SCO1: variants seen among roughly 807,000 people sequenced by gnomAD.
SCO1 encodes synthesis of cytochrome C oxidase 1.
SCO1 carries 23 observed loss-of-function variants against 34.0 expected under a neutral mutation model. That is an observed-to-expected ratio of 0.68 (90% CI 0.49 to 0.96). The LOEUF (loss-of-function observed/expected upper bound fraction) is 0.96, where lower values mean the gene tolerates loss of function less well. Among genes scored for constraint, SCO1 ranks in the 40% least tolerant of loss-of-function variants. The pLI, the probability that SCO1 is intolerant of heterozygous loss-of-function variation, is 0.00. For synonymous variants in SCO1, 161 were observed against 145.5 expected (o/e 1.11, Z -0.77); for missense variants, 404 against 381.6 (o/e 1.06, Z -0.49).
intron 2 of SCO1, among the ~76,000 whole-genome samples, chr17:10,693,266 T>C (rs1207390497): frequency 6.6e-6 from 1 of 152,196 alleles, no homozygotes; most frequent in African/African-American, 2.4e-5. Flanking sequence ...GGGGCTGCAG[T>C]GGCCTAGAGC....
At position 10,680,781 on chromosome 17, in the gene SCO1, G is replaced by A. The variant is rs1299959405; in HGVS notation, c.*338C>T. On this transcript the variant is annotated 3_prime_UTR_variant, in exon 6 of 6. Transcript: ENST00000255390. The stretch of plus-strand genomic sequence containing the variant: ...CCCAAGACGATGGAGAGGCGGCAAA[G>A]CTGCTGGGAGGGCCTGTTCGCAGGC... 5.3e-6 allele frequency: 2 copies of A among 380,472 alleles called. No individual in the cohort carries two copies. Among genetic ancestry groups the A allele is most frequent in the Non-Finnish European group, 9.8e-6 (2 of 203,192 alleles). 23.6% of individuals were successfully genotyped at this position (380,472 alleles called of 1,614,324 possible).
intron 4 of SCO1, among the ~76,000 whole-genome samples, chr17:10,690,998 A>C (rs1219024969): frequency 6.6e-6 from 1 of 152,222 alleles, no homozygotes; most frequent in East Asian, 1.9e-4. Flanking sequence ...ATCTCACAGA[A>C]GTAGAGAGAA....
intron 4 of SCO1, among the ~76,000 whole-genome samples, 166 bp from the exon 5 acceptor site, chr17:10,687,008 G>GAAATTCACAAA (rs2074661137): frequency 6.6e-6 from 1 of 151,988 alleles, no homozygotes; most frequent in Non-Finnish European, 1.5e-5. Flanking sequence ...AATTCACAAA[G>GAAATTCACAAA]AACAAATGAA....
Position 10,674,037 on chromosome 17 carries a change from T to C in SCO1, c.*7082A>G, listed in dbSNP as rs2074564967. ...TTTCTTGACTTTTTCCCCTTCCCTA[T>C]TGGGTAAAAATTAATAGACTCTGTG... is the stretch of plus-strand genomic sequence containing the variant. On this transcript the variant is annotated 3_prime_UTR_variant, in exon 6 of 6. Coordinates refer to ENST00000255390, the MANE Select transcript of SCO1 (RefSeq NM_004589.4). The C allele has an allele frequency of 2.6e-5, 4 of 152,180 alleles. No homozygotes were observed. The highest frequency in any genetic ancestry group is 2.0e-4 in the Admixed American group (3 of 15,274). 9.4% of individuals were successfully genotyped at this position (152,180 alleles called of 1,614,324 possible). A position where few individuals can be genotyped will look rare whatever the true frequency, so the allele number is the denominator to read the frequency against.
intron 1 of SCO1, among the ~76,000 whole-genome samples, chr17:10,696,514 A>T (rs550859709): frequency 6.6e-6 from 1 of 152,344 alleles, no homozygotes; most frequent in Non-Finnish European, 1.5e-5. Flanking sequence ...TACTGAGATA[A>T]ATAGACCAAA....
rs886052594 is a variant in SCO1 at position 10,681,058 on chromosome 17, T to G, written c.*61A>C. ...ATATGTTTATATTTATATAGGCTCC[T>G]ATGCGAGACAGTTTCCTTCCTCTTA... On this transcript the variant is annotated 3_prime_UTR_variant, in exon 6 of 6. Coordinates refer to ENST00000255390, the MANE Select transcript of SCO1 (RefSeq NM_004589.4). 57 of 1,589,868 alleles carry G rather than the reference T, an allele frequency of 3.6e-5. No individual in the cohort carries two copies. Among genetic ancestry groups the G allele is most frequent in the Middle Eastern group, 3.3e-4 (2 of 6,016 alleles).
At chr17:10,691,766 G>GAT in intron 4 of SCO1, 106 bp downstream of exon 4, 1 of 737,884 alleles carries the variant, frequency 1.4e-6, no homozygotes, top group South Asian at 1.5e-5. Context: ...TAAAACTGGT[G>GAT]ATAATACCAT....
At position 10,691,856 on chromosome 17, in the gene SCO1, T is replaced by C. The variant is rs778556428; in HGVS notation, c.655+16A>G. On this transcript the variant is annotated intron_variant, in intron 4 of 5. Coordinates refer to ENST00000255390, the MANE Select transcript of SCO1 (RefSeq NM_004589.4). ...TTTAAGGCTAAATAAATGTAAAGTA[T>C]TATTTAAAAAAATACCTTTCACATA... is the stretch of plus-strand genomic sequence containing the variant. 9 of 1,525,902 alleles carry C rather than the reference T, an allele frequency of 5.9e-6. No homozygotes were observed. The highest frequency in any genetic ancestry group is 4.1e-5 in the African/African-American group (3 of 72,840). The allele number at this position is 1,525,902 out of a possible 1,614,324, so 94.5% of individuals were successfully genotyped here.
chr17:10,686,284 C>A (rs2074655740), intron 5 of SCO1, among the ~76,000 whole-genome samples: 1 of 151,062 alleles, frequency 6.6e-6, no homozygotes, highest in Non-Finnish European at 1.5e-5. Flanking sequence ...ATTATCCTTT[C>A]AAATATTCAA....
At chr17:10,686,173 C>T (rs1323244149) in intron 5 of SCO1, among the ~76,000 whole-genome samples, 15 of 152,130 alleles carry the variant, frequency 9.9e-5, no homozygotes, top group Non-Finnish European at 1.9e-4. Flanking sequence ...ATCCGGGAGG[C>T]GGAGGTCGAA....
intron 4 of SCO1, among the ~76,000 whole-genome samples, chr17:10,690,838 G>A (rs944565736): frequency 7.1e-6 from 1 of 141,512 alleles, no homozygotes; most frequent in East Asian, 1.9e-4. Flanking sequence ...CATACGTCAT[G>A]GAATACTACC....
In SCO1 at chr17:10,697,452, A is replaced by G. The variant is rs1480589526; in HGVS notation, c.56T>C (p.Leu19Pro). The G allele has an allele frequency of 6.2e-7, 1 of 1,613,198 alleles. No individual in the cohort carries two copies. The highest frequency in any genetic ancestry group is 2.2e-5 in the East Asian group (1 of 44,872). Residue 19 changes from leucine (L) to proline (P), a missense_variant, in exon 1 of 6, where the codon CTT becomes CCT. Leu to Pro is a moderately conservative substitution (Grantham distance 98). Transcript: ENST00000255390. ...GAGTCCGCGAGGCAAGAAGCGCCAA[A>G]GTTGGCCACCCAGAGGCCGCATAAC... is the stretch of plus-strand genomic sequence containing the variant. ...GRVMRPLGGQLWRFLPRGLEF... is the reference protein window; with the variant it reads ...GRVMRPLGGQPWRFLPRGLEF...
chr17:10,696,993 A>C (rs929543300), intron 1 of SCO1, among the ~76,000 whole-genome samples: 1 of 150,700 alleles, frequency 6.6e-6, no homozygotes, highest in Non-Finnish European at 1.5e-5. Context: ...CATAAAATCC[A>C]AGTCGGGGCA....
Position 10,697,528 on chromosome 17 carries a change from C to G in SCO1, c.-21G>C. 6.2e-7 allele frequency: 1 copy of G among 1,612,744 alleles called. No individual in the cohort carries two copies. The highest frequency in any genetic ancestry group is 2.2e-5 in the East Asian group (1 of 44,868). ...GCCATGAGCCTCGGAGACCGGGTCT[C>G]CTTTGACCCTCCCCGCGATTTCCGG... is the stretch of plus-strand genomic sequence containing the variant. On this transcript the variant is annotated 5_prime_UTR_variant, in exon 1 of 6. Transcript: ENST00000255390.
chr17:10,683,098 AT>A (rs2074632522), intron 5 of SCO1, among the ~76,000 whole-genome samples: 1 of 152,174 alleles, frequency 6.6e-6, no homozygotes, highest in Admixed American at 6.5e-5. Flanking sequence ...TACAATGAAA[AT>A]GTCCCTCCCC....
At chr17:10,681,387 A>C in intron 5 of SCO1, 134 bp from the exon 6 acceptor site, 1 of 1,004,242 alleles carries the variant, frequency 1.0e-6, no homozygotes, top group South Asian at 1.4e-5. Flanking sequence ...TATTTATGGA[A>C]TAGGCTTAAG....
In SCO1 at chr17:10,675,707, A is replaced by G. The variant is rs1353914056; in HGVS notation, c.*5412T>C. On this transcript the variant is annotated 3_prime_UTR_variant, in exon 6 of 6. Transcript: ENST00000255390. ...TTCTCCTAGTATCATACTTCATCCT[A>G]ACACAATTATTCCTGTTTTACAAAT... is the stretch of plus-strand genomic sequence containing the variant. The G allele has an allele frequency of 3.3e-5, 5 of 152,134 alleles. No homozygotes were observed. The highest frequency in any genetic ancestry group is 1.5e-5 in the Non-Finnish European group (1 of 68,038). The allele number at this position is 152,134 out of a possible 1,614,324, so 9.4% of individuals were successfully genotyped here.
At chr17:10,686,700 T>C (rs537293667) in intron 5 of SCO1, 27 bp downstream of exon 5, 14 of 1,396,606 alleles carry the variant, frequency 1.0e-5, no homozygotes, top group African/African-American at 4.2e-5. Flanking sequence ...AGCTGGTCCA[T>C]GGGTTAAAAC....
intron 5 of SCO1, chr17:10,683,886 C>G (rs1416517356): frequency 6.6e-6 from 1 of 152,122 alleles, no homozygotes; most frequent in African/African-American, 2.4e-5. Context: ...AAACTTCATT[C>G]CATTACATCT....
Sources: allele counts gnomAD v4.1 joint callset (sites outside exome capture counted in the v4.1 genomes callset), GRCh38; gene constraint gnomAD v4.1.1; transcripts MANE v1.5; gene names NCBI Gene and HGNC (gene_info 2026-07-23, HGNC 2026-07-21).